The following CHCHD3 variants were observed in gnomAD, a reference collection of about 807,000 sequenced individuals.
CHCHD3 encodes MICOS complex subunit MIC19.
In CHCHD3, 20 loss-of-function variants were observed where a neutral mutation model predicts 38.2. The ratio of observed to expected loss-of-function variants is 0.52; its 90% confidence interval spans 0.37 to 0.76. The LOEUF (loss-of-function observed/expected upper bound fraction) is 0.76, where lower values mean the gene tolerates loss of function less well. Among genes scored for constraint, CHCHD3 ranks in the 30% least tolerant of loss-of-function variants. The pLI, the probability that CHCHD3 is intolerant of heterozygous loss-of-function variation, is 0.00. For missense variants in CHCHD3, 245 were observed against 279.2 expected, an observed-to-expected ratio of 0.88 and a Z score of 0.87; for synonymous variants, 82 against 100.0, an observed-to-expected ratio of 0.82 and a Z score of 1.07.
chr7:132,862,124 G>A (rs564706723), intron 5 of CHCHD3, among the ~76,000 whole-genome samples: 3 of 151,600 alleles, frequency 2.0e-5, no homozygotes, highest in African/African-American at 7.3e-5. Context: ...AAGGAAGGAA[G>A]GAGGGAAGAA....
chr7:132,950,060 A>G (rs1357621763), intron 4 of CHCHD3, among the ~76,000 whole-genome samples: 1 of 152,210 alleles, frequency 6.6e-6, no homozygotes, highest in East Asian at 1.9e-4. Context: ...AAAATATATC[A>G]GTAGATATTA....
chr7:132,845,672 T>A (rs754520875), intron 5 of CHCHD3, among the ~76,000 whole-genome samples: 2 of 152,198 alleles, frequency 1.3e-5, no homozygotes, highest in Non-Finnish European at 2.9e-5. Context: ...TATGTGAATC[T>A]CTAAGATGAG....
At chr7:132,947,072 A>C (rs1358973623) in intron 4 of CHCHD3, among the ~76,000 whole-genome samples, 3 of 151,972 alleles carry the variant, frequency 2.0e-5, no homozygotes, top group Admixed American at 1.3e-4. Context: ...TAGAAAATCT[A>C]ATGAAGATTA....
intron 3 of CHCHD3, among the ~76,000 whole-genome samples, chr7:133,016,414 A>G (rs1584645443): frequency 6.6e-6 from 1 of 152,186 alleles, no homozygotes; most frequent in Non-Finnish European, 1.5e-5. Context: ...TGTCTGTATA[A>G]AACTGTGAGG....
chr7:133,015,800 G>C (rs2117422256), intron 3 of CHCHD3, among the ~76,000 whole-genome samples: 2 of 152,176 alleles, frequency 1.3e-5, no homozygotes, highest in South Asian at 2.1e-4. Context: ...AATTTATAAA[G>C]AAAAGGCGTT....
intron 5 of CHCHD3, among the ~76,000 whole-genome samples, chr7:132,849,985 T>A (rs1186849951): frequency 1.3e-5 from 2 of 152,170 alleles, no homozygotes; most frequent in African/African-American, 4.8e-5. Context: ...TCTATTTTTA[T>A]GATAGACAGG....
intron 6 of CHCHD3, chr7:132,815,542 G>A (rs1338282716): frequency 6.6e-6 from 3 of 455,910 alleles, no homozygotes; most frequent in Non-Finnish European, 1.3e-5. Flanking sequence ...TGAGGGAGAA[G>A]TAACGAGTTC....
intron 4 of CHCHD3, among the ~76,000 whole-genome samples, chr7:132,964,713 C>A (rs1811413264): frequency 6.6e-6 from 1 of 152,148 alleles, no homozygotes; most frequent in Non-Finnish European, 1.5e-5. Context: ...CAGGCCATGG[C>A]AAACTTTCTT....
chr7:132,973,390 A>G (rs1811662011), intron 4 of CHCHD3: 4 of 985,426 alleles, frequency 4.1e-6, no homozygotes, highest in Non-Finnish European at 4.8e-6. Flanking sequence ...CACTGACCTG[A>G]TATTTTTTCA....
rs1313924155 is a variant in CHCHD3 at position 132,838,416 on chromosome 7, C to T, written c.507G>A (p.Glu169=). 15 of 1,611,414 alleles carry T rather than the reference C, an allele frequency of 9.3e-6. No homozygotes were observed. The highest frequency in any genetic ancestry group is 1.1e-5 in the Non-Finnish European group (13 of 1,178,306). The stretch of plus-strand genomic sequence containing the variant: ...AAACTTACTTGAACTTTGCTTCCAC[C>T]TCTTCAGCAGCTTTCTGATATTGTT... ...TTEQYQKAAE[E]VEAKFKRYES... The change falls in exon 6 of 8, where the codon GAG becomes GAA. Residue 169 remains glutamate (E), a synonymous_variant. Coordinates refer to ENST00000262570, the MANE Select transcript of CHCHD3 (RefSeq NM_017812.4).
chr7:132,894,835 ATG>A (rs1585612990), intron 4 of CHCHD3, among the ~76,000 whole-genome samples: 1 of 152,250 alleles, frequency 6.6e-6, no homozygotes, highest in African/African-American at 2.4e-5. Flanking sequence ...ATTATTATGT[ATG>A]TACATTATTA....
intron 2 of CHCHD3, among the ~76,000 whole-genome samples, chr7:133,043,569 C>T (rs1055839593): frequency 1.3e-5 from 2 of 151,794 alleles, no homozygotes; most frequent in Non-Finnish European, 2.9e-5. Context: ...TTGCTTGAAC[C>T]CGGGAGGCGG....
Position 132,843,999 on chromosome 7 carries a change from T to C in CHCHD3, c.454-5530A>G, listed in dbSNP as rs190416608. 1.8e-4 allele frequency among the ~76,000 whole-genome samples: 28 copies of C among 152,230 alleles called. No homozygotes were observed. In the East Asian group the frequency reaches 2.7e-3, roughly 15 times the overall value. On this transcript the variant is annotated intron_variant, in intron 5 of 7. Transcript: ENST00000262570. Reference sequence around the variant, plus strand: ...ATCCATTAAGATGACCTTAAAAAGATAAATAAAGAGAACAAACGGGCCGGG... The same window carrying C: ...ATCCATTAAGATGACCTTAAAAAGACAAATAAAGAGAACAAACGGGCCGGG...
At chr7:133,055,393 A>G (rs1298475062) in intron 2 of CHCHD3, among the ~76,000 whole-genome samples, 3 of 145,018 alleles carry the variant, frequency 2.1e-5, no homozygotes, top group Admixed American at 6.9e-5. Flanking sequence ...TATGTTATAT[A>G]ATTATAATAG....
chr7:132,838,698 T>A (rs1807859322), intron 5 of CHCHD3, among the ~76,000 whole-genome samples: 1 of 152,240 alleles, frequency 6.6e-6, no homozygotes, highest in African/African-American at 2.4e-5. Flanking sequence ...CGTTCACAGT[T>A]ACAATTCCTT....
At chr7:132,997,589 C>CA (rs1453750255) in intron 3 of CHCHD3, among the ~76,000 whole-genome samples, 5 of 130,160 alleles carry the variant, frequency 3.8e-5, no homozygotes, top group East Asian at 2.6e-4. Flanking sequence ...ATTTTAGACA[C>CA]AAAAAATGCT....
intron 3 of CHCHD3, among the ~76,000 whole-genome samples, chr7:132,991,959 T>G (rs1812294693): frequency 1.3e-5 from 2 of 152,282 alleles, no homozygotes; most frequent in East Asian, 3.9e-4. Context: ...GACTACTGTG[T>G]TCAACATTTG....
intron 3 of CHCHD3, among the ~76,000 whole-genome samples, chr7:133,011,381 G>A (rs1297709188): frequency 6.6e-6 from 1 of 152,208 alleles, no homozygotes; most frequent in Admixed American, 6.5e-5. Context: ...CCCAATGGAG[G>A]TGACTTTGTA....
intron 4 of CHCHD3, among the ~76,000 whole-genome samples, chr7:132,903,359 C>T (rs190636086): frequency 9.2e-5 from 14 of 151,848 alleles, no homozygotes; most frequent in Non-Finnish European, 2.1e-4. Context: ...TATTTTCAAT[C>T]CTTGGTTGGT....
Sources: gnomAD v4.1 joint callset for allele counts (sites outside exome capture counted in the v4.1 genomes callset) on GRCh38, gnomAD v4.1.1 for gene constraint, MANE v1.5 for transcripts, NCBI Gene and HGNC (gene_info 2026-07-23, HGNC 2026-07-21) for gene names.